Variants in ZNF577 observed in about 807,000 individuals in gnomAD.
ZNF577 encodes zinc finger protein 577.
A neutral mutation model predicts 13.9 loss-of-function variants in ZNF577; 14 were observed. That is an observed-to-expected ratio of 1.00 (90% confidence interval 0.66 to 1.57). The LOEUF (loss-of-function observed/expected upper bound fraction) is 1.57, where lower values mean the gene tolerates loss of function less well. Among genes scored for constraint, ZNF577 ranks in the 40% most tolerant of loss-of-function variants. ZNF577 has a pLI of 0.00. For synonymous variants in ZNF577, 203 were observed against 202.9 expected (o/e 1.00, Z 0.00); for missense variants, 555 against 579.2 (o/e 0.96, Z 0.43).
At chr19:51,834,858 ATTT>A (rs1449969973) in intron 9 of ZNF577, among the ~76,000 whole-genome samples, 1 of 151,876 alleles carries the variant, frequency 6.6e-6, no homozygotes, top group Non-Finnish European at 1.5e-5. Context: ...TAATTTTTAA[ATTT>A]TTTTGTAGAG....
chr19:51,838,543 AG>A (rs1599847838), intron 9 of ZNF577, among the ~76,000 whole-genome samples: 3 of 148,362 alleles, frequency 2.0e-5, no homozygotes, highest in Admixed American at 1.3e-4. Context: ...GGTTAAAAAA[AG>A]AAACTAAATT....
chr19:51,831,614 G>GTT (rs149685495), intron 9 of ZNF577, among the ~76,000 whole-genome samples: 3 of 149,988 alleles, frequency 2.0e-5, no homozygotes, highest in African/African-American at 4.9e-5. Flanking sequence ...AGCAGCCAAA[G>GTT]TTTTTTTTTT....
At chr19:51,877,936 G>A (rs1313695318) in intron 4 of ZNF577, 1 of 155,882 alleles carries the variant, frequency 6.4e-6, no homozygotes, top group African/African-American at 2.4e-5. Flanking sequence ...GCCTTAAAAA[G>A]GAAACTCTGG....
At chr19:51,831,070 C>T (rs1172954575) in intron 9 of ZNF577, among the ~76,000 whole-genome samples, 1 of 152,124 alleles carries the variant, frequency 6.6e-6, no homozygotes, top group East Asian at 1.9e-4. Context: ...CACACTCTAC[C>T]AAATGTCTTA....
At chr19:51,807,392 T>A (rs2084067143) in intron 10 of ZNF577, among the ~76,000 whole-genome samples, 1 of 152,220 alleles carries the variant, frequency 6.6e-6, no homozygotes, top group African/African-American at 2.4e-5. Context: ...GTTTGCCACA[T>A]CCTGCATTCA....
At chr19:51,883,179 G>A (rs2084890328) in intron 1 of ZNF577, among the ~76,000 whole-genome samples, 1 of 151,928 alleles carries the variant, frequency 6.6e-6, no homozygotes, top group Non-Finnish European at 1.5e-5. Context: ...TTGTAGTAAA[G>A]ACGAGGCTTC....
Position 51,824,655 on chromosome 19 carries a change from G to A in ZNF577, c.*600-12981C>T, listed in dbSNP as rs374026779. On this transcript the variant is annotated intron_variant and NMD_transcript_variant, in intron 9 of 10. Transcript: ENST00000638827. The surrounding 1 kb of genome is among the most constrained non-coding windows in gnomAD (Gnocchi z 4.7). ...CAGCTGCCTCAACCCAATTCTCTAC[G>A]TCTTTATGGGTCGTAACTTCCAAGA... is the stretch of plus-strand genomic sequence containing the variant. The A allele has an allele frequency of 2.6e-5, 42 of 1,613,876 alleles. No homozygotes were observed. The highest frequency in any genetic ancestry group is 3.3e-5 in the South Asian group (3 of 91,078).
intron 4 of ZNF577, 45 bp downstream of exon 4, chr19:51,878,344 A>G: frequency 6.2e-7 from 1 of 1,603,660 alleles, no homozygotes; most frequent in Non-Finnish European, 8.5e-7. Context: ...TACAGTGGTC[A>G]CCAAATAAGA....
intron 5 of ZNF577, among the ~76,000 whole-genome samples, chr19:51,849,103 T>C (rs2084368074): frequency 6.6e-6 from 1 of 152,208 alleles, no homozygotes; most frequent in Non-Finnish European, 1.5e-5. Flanking sequence ...TTTTATTATA[T>C]AAAAACTTGA....
intron 9 of ZNF577, among the ~76,000 whole-genome samples, chr19:51,812,395 G>C (rs1052205470): frequency 1.3e-5 from 2 of 152,138 alleles, no homozygotes; most frequent in East Asian, 3.9e-4. Context: ...TCTTATGATG[G>C]ATGACTACAG....
intron 5 of ZNF577, among the ~76,000 whole-genome samples, chr19:51,875,151 G>C (rs1435475816): frequency 6.6e-6 from 1 of 151,946 alleles, no homozygotes; most frequent in African/African-American, 2.4e-5. Flanking sequence ...GATGGGAGGA[G>C]TTCAAGACCA....
downstream of ZNF577, among the ~76,000 whole-genome samples, chr19:51,864,833 T>C (rs962058891): frequency 5.3e-5 from 8 of 152,114 alleles, no homozygotes; most frequent in South Asian, 8.3e-4. Flanking sequence ...AGAAAAGAAA[T>C]TACCAATGAT....
chr19:51,810,057 G>A (rs1204305862), intron 10 of ZNF577, among the ~76,000 whole-genome samples: 3 of 152,138 alleles, frequency 2.0e-5, no homozygotes, highest in African/African-American at 7.2e-5. Flanking sequence ...GCATTGTAAG[G>A]TCCTTTCTGT....
At chr19:51,884,639 T>C (rs1206787099) in intron 1 of ZNF577, among the ~76,000 whole-genome samples, 2 of 150,850 alleles carry the variant, frequency 1.3e-5, no homozygotes, top group Non-Finnish European at 2.9e-5. Context: ...CACAAATCAA[T>C]AGAATAAAAA....
At chr19:51,828,927 T>C (rs935847227) in intron 9 of ZNF577, among the ~76,000 whole-genome samples, 2 of 152,128 alleles carry the variant, frequency 1.3e-5, no homozygotes, top group African/African-American at 4.8e-5. Context: ...TGAGGATGTT[T>C]CGCTATGAAC....
chr19:51,861,203 C>A (rs1599859867), intron 5 of ZNF577: 1 of 278,882 alleles, frequency 3.6e-6, no homozygotes, highest in East Asian at 1.6e-4. Context: ...ACTGCAACCT[C>A]CACCTCCTAG....
chr19:51,829,029 A>G (rs563008565), intron 9 of ZNF577, among the ~76,000 whole-genome samples: 66 of 152,224 alleles, frequency 4.3e-4, no homozygotes, highest in African/African-American at 1.5e-3. Context: ...CTCTTGTTAC[A>G]TGGGGTCTTG....
intron 10 of ZNF577, among the ~76,000 whole-genome samples, chr19:51,811,194 T>C (rs111770224): frequency 5.3e-5 from 8 of 152,328 alleles, no homozygotes; most frequent in African/African-American, 1.7e-4. Flanking sequence ...AAGACCTTTT[T>C]GATGAGCCCA....
intron 5 of ZNF577, chr19:51,860,843 T>C (rs1459655339): frequency 2.5e-5 from 9 of 361,768 alleles, no homozygotes; most frequent in South Asian, 1.3e-4. Context: ...ACTGTATCTA[T>C]GAGATTTCTC....
Sources: allele counts gnomAD v4.1 joint callset (sites outside exome capture counted in the v4.1 genomes callset), GRCh38; gene constraint gnomAD v4.1.1; non-coding constraint Gnocchi (gnomAD v3.1); transcripts MANE v1.5; gene names NCBI Gene and HGNC (gene_info 2026-07-23, HGNC 2026-07-21).